The following DET1 variants were observed in gnomAD, a reference collection of about 807,000 sequenced individuals.
DET1 encodes DET1 partner of COP1 E3 ubiquitin ligase, also known as DET1 homolog.
A neutral mutation model predicts 43.7 loss-of-function variants in DET1; 22 were observed. That is an observed-to-expected ratio of 0.50 (90% CI 0.36 to 0.72). The LOEUF (loss-of-function observed/expected upper bound fraction) is 0.72. DET1 is among the 30% of genes least tolerant of loss of function. DET1 has a pLI of 0.00. For missense variants in DET1, 713 were observed against 713.3 expected (o/e 1.00, Z 0.00); for synonymous variants, 315 against 266.2 (o/e 1.18, Z -1.79).
At chr15:88,507,922 G>A (rs193173106), downstream of DET1, among the ~76,000 whole-genome samples, 12 of 152,316 alleles carry the variant, frequency 7.9e-5, no homozygotes, top group Admixed American at 2.6e-4. Context: ...GCAAGTGAGC[G>A]AAGCTTCATC....
intron 3 of DET1, among the ~76,000 whole-genome samples, chr15:88,523,621 G>GT (rs2056565619): frequency 1.3e-5 from 2 of 152,126 alleles, no homozygotes; most frequent in African/African-American, 4.8e-5. Context: ...TGTATTTTTT[G>GT]GCAGAGACGG....
downstream of DET1, among the ~76,000 whole-genome samples, chr15:88,508,614 T>C (rs1018325490): frequency 6.6e-6 from 1 of 151,786 alleles, no homozygotes; most frequent in African/African-American, 2.4e-5. Context: ...TATTGGGAGG[T>C]TGAGGAAAAG....
chr15:88,510,682 T>C (rs1427202830), downstream of DET1, among the ~76,000 whole-genome samples: 1 of 152,072 alleles, frequency 6.6e-6, no homozygotes, highest in Non-Finnish European at 1.5e-5. Context: ...ATCTTCAACT[T>C]ACAATGGGTT....
Position 88,530,611 on chromosome 15 carries a change from T to G in DET1, c.1083+12A>C, listed in dbSNP as rs1015496878. ...AGATTAGACAAGTAAAAGGCAGGAG[T>G]GTACCTCATACCTGTGATGGATCTG... On this transcript the variant is annotated intron_variant, in intron 2 of 4. Coordinates refer to ENST00000268148, the MANE Select transcript of DET1 (RefSeq NM_001144074.3). 43 of 1,581,840 alleles carry G rather than the reference T, an allele frequency of 2.7e-5. No homozygotes were observed. Among genetic ancestry groups the G allele is most frequent in the Non-Finnish European group, 3.6e-5 (42 of 1,163,232 alleles).
chr15:88,516,685 TCA>T lies in DET1; in HGVS notation c.1463+95_1463+96del. ...TTTCAACCTTACCCATGAGTACGAG[TCA>T]CAGTCACAATCAAATGATGTCCAGA... is the stretch of plus-strand genomic sequence containing the variant. On this transcript the variant is annotated intron_variant, in intron 4 of 4. Coordinates refer to ENST00000268148, the MANE Select transcript of DET1 (RefSeq NM_001144074.3). This position sits in a 1 kb window ranked among gnomAD's most constrained non-coding sequence, Gnocchi z 4.4. 1 of 1,091,832 alleles carries T rather than the reference TCA, an allele frequency of 9.2e-7. No homozygotes were observed. The highest frequency in any genetic ancestry group is 3.0e-5 in the East Asian group (1 of 33,810). 67.6% of individuals were successfully genotyped at this position (1,091,832 alleles called of 1,614,324 possible).
At chr15:88,544,412 T>C (rs2057192469) in intron 1 of DET1, among the ~76,000 whole-genome samples, 1 of 152,178 alleles carries the variant, frequency 6.6e-6, no homozygotes, top group Admixed American at 6.5e-5. Context: ...TTGCTTAAGC[T>C]AAGAGATGCC....
chr15:88,540,513 G>A (rs554430915), intron 1 of DET1, among the ~76,000 whole-genome samples: 1 of 152,018 alleles, frequency 6.6e-6, no homozygotes, highest in Non-Finnish European at 1.5e-5. Flanking sequence ...GCAAGTGTTG[G>A]AGCCCCCTCC....
In DET1 at chr15:88,530,841, C is replaced by A. The variant is rs556630278; in HGVS notation, c.865G>T (p.Asp289Tyr). 6 of 1,613,956 alleles carry A rather than the reference C, an allele frequency of 3.7e-6. No individual in the cohort carries two copies. The highest frequency in any genetic ancestry group is 5.1e-6 in the Non-Finnish European group (6 of 1,179,860). Residue 289 changes from aspartate to tyrosine, a missense_variant, in exon 2 of 5, where the codon GAT becomes TAT. Physicochemically the swap from Asp to Tyr is radical, Grantham distance 160. Transcript: ENST00000268148. ...SQTGMANPFR[D>Y]PFINSLKHRL... ...TGTTTGAGGGAATTGATGAAAGGATCCCTAAAGGGATTGGCCATGCCTGTC... is the reference window on the plus strand; with the variant it reads ...TGTTTGAGGGAATTGATGAAAGGATACCTAAAGGGATTGGCCATGCCTGTC...
chr15:88,514,229 T>C (rs1260962257), intron 4 of DET1, among the ~76,000 whole-genome samples: 1 of 151,536 alleles, frequency 6.6e-6, no homozygotes, highest in Non-Finnish European at 1.5e-5. Context: ...CTTTGCCATA[T>C]GCAAAATAAA....
intron 1 of DET1, among the ~76,000 whole-genome samples, chr15:88,542,424 T>A (rs1471605260): frequency 6.6e-6 from 1 of 152,136 alleles, no homozygotes; most frequent in Admixed American, 6.5e-5. Context: ...AGGGGCCTGA[T>A]GAGTCACCAG....
chr15:88,526,152 G>A (rs2142294262), intron 3 of DET1, among the ~76,000 whole-genome samples: 1 of 152,292 alleles, frequency 6.6e-6, no homozygotes, highest in Non-Finnish European at 1.5e-5. Flanking sequence ...CAAGACAGTT[G>A]TCTGAATTCA....
At chr15:88,537,134 G>C (rs746111580) in intron 1 of DET1, among the ~76,000 whole-genome samples, 2 of 152,258 alleles carry the variant, frequency 1.3e-5, no homozygotes, top group East Asian at 1.9e-4. Flanking sequence ...CTCATGAATA[G>C]AGCCTTGGAT....
chr15:88,536,304 T>C (rs2056947791), intron 1 of DET1: 1 of 777,176 alleles, frequency 1.3e-6, no homozygotes, highest in South Asian at 1.4e-5. Context: ...TGAAATTAAG[T>C]TGTTTACCTT....
At chr15:88,534,123 CAAT>C (rs1340362787) in intron 1 of DET1, among the ~76,000 whole-genome samples, 1 of 152,150 alleles carries the variant, frequency 6.6e-6, no homozygotes, top group East Asian at 1.9e-4. Context: ...TTTAAAATCA[CAAT>C]AAAAATATGT....
chr15:88,545,220 AAATT>A (rs1308685969), intron 1 of DET1, among the ~76,000 whole-genome samples: 1 of 152,168 alleles, frequency 6.6e-6, no homozygotes, highest in Non-Finnish European at 1.5e-5. Flanking sequence ...CATGTCATGG[AAATT>A]AACATTTTAT....
chr15:88,516,840 C>T lies in DET1; in HGVS notation c.1405G>A (p.Asp469Asn). 6.2e-7 allele frequency: 1 copy of T among 1,609,594 alleles called. No homozygotes were observed. Among genetic ancestry groups the T allele is most frequent in the Non-Finnish European group, 8.5e-7 (1 of 1,178,198 alleles). Reference protein sequence around the residue: ...PYLDLSLFSYDDKWVSVMERP... With the variant: ...PYLDLSLFSYNDKWVSVMERP... ...TCCATGACAGATACCCACTTGTCAT[C>T]ATAACTGAAGAGAGACAAATCCAGA... Residue 469 changes from aspartate to asparagine, a missense_variant, in exon 4 of 5, where the codon GAT becomes AAT. Physicochemically the swap from Asp to Asn is conservative, Grantham distance 23 (BLOSUM62 1). Coordinates refer to ENST00000268148, the MANE Select transcript of DET1 (RefSeq NM_001144074.3). The surrounding 1 kb of genome is among the most constrained non-coding windows in gnomAD (Gnocchi z 4.4).
chr15:88,535,479 G>T (rs369019841), intron 1 of DET1, among the ~76,000 whole-genome samples: 75 of 152,184 alleles, frequency 4.9e-4, no homozygotes, highest in African/African-American at 1.6e-3. Flanking sequence ...GTAATAGTTG[G>T]TGGTGGTGGC....
chr15:88,544,177 C>T (rs899032677), intron 1 of DET1, among the ~76,000 whole-genome samples: 1 of 152,120 alleles, frequency 6.6e-6, no homozygotes, highest in African/African-American at 2.4e-5. Flanking sequence ...GTCAGTTAGG[C>T]GTTAAACATT....
rs55764530 is a variant in DET1, at chr15:88,522,512, G to GTTTTTTTTTTTTTTTTTTTTTTTTTTT, written c.1271+5086_1271+5087insAAAAAAAAAAAAAAAAAAAAAAAAAAA. Among the ~76,000 whole-genome samples the GTTTTTTTTTTTTTTTTTTTTTTTTTTT allele has an allele frequency of 3.9e-4, 31 of 80,290 alleles. 6 individuals are homozygous for GTTTTTTTTTTTTTTTTTTTTTTTTTTT. Among genetic ancestry groups the GTTTTTTTTTTTTTTTTTTTTTTTTTTT allele is most frequent in the Non-Finnish European group, 4.8e-4 (21 of 43,938 alleles). The allele number at this position is 80,290 out of a possible 152,430, so 52.7% of individuals were successfully genotyped here. A position where few individuals can be genotyped will look rare whatever the true frequency, so the allele number is the denominator to read the frequency against. ...TCTCATTGTTCTAGGAATGTTCCTG[G>GTTTTTTTTTTTTTTTTTTTTTTTTTTT]TTTTTTTTTTTTTTTGAGTTGGAGT... is the stretch of plus-strand genomic sequence containing the variant. On this transcript the variant is annotated intron_variant, in intron 3 of 4. Coordinates refer to ENST00000268148, the MANE Select transcript of DET1 (RefSeq NM_001144074.3).
Sources: gnomAD v4.1 joint callset for allele counts (sites outside exome capture counted in the v4.1 genomes callset) on GRCh38, gnomAD v4.1.1 for gene constraint, Gnocchi (gnomAD v3.1) non-coding constraint, MANE v1.5 for transcripts, NCBI Gene and HGNC (gene_info 2026-07-23, HGNC 2026-07-21) for gene names.